CDH12: variants seen among roughly 807,000 people sequenced by gnomAD.
CDH12 encodes the protein cadherin-12.
A neutral mutation model predicts 74.1 loss-of-function variants in CDH12; 41 were observed. That is an observed-to-expected ratio of 0.55 (90% CI 0.43 to 0.72). The LOEUF (loss-of-function observed/expected upper bound fraction) is 0.72. Ranked by LOEUF, CDH12 falls within the 30% of genes least tolerant of loss-of-function variation. The pLI is 0.00. For missense variants in CDH12, 945 were observed against 977.2 expected, an observed-to-expected ratio of 0.97 and a Z score of 0.44; for synonymous variants, 399 against 355.0, an observed-to-expected ratio of 1.12 and a Z score of -1.39.
chr5:21,947,138 T>C (rs1021835360), intron 6 of CDH12, among the ~76,000 whole-genome samples: 6 of 152,236 alleles, frequency 3.9e-5, no homozygotes, highest in African/African-American at 1.4e-4. Flanking sequence ...TGCAGAACTA[T>C]GAGTCAATTA....
chr5:22,056,946 C>T (rs991510458), intron 5 of CDH12, among the ~76,000 whole-genome samples: 5 of 152,136 alleles, frequency 3.3e-5, no homozygotes, highest in African/African-American at 1.2e-4. Context: ...CAACCAACAT[C>T]TCCCCTAAGA....
chr5:22,083,738 G>A (rs1742888860), intron 4 of CDH12, among the ~76,000 whole-genome samples: 1 of 152,112 alleles, frequency 6.6e-6, no homozygotes, highest in African/African-American at 2.4e-5. Context: ...AATCTGGGCA[G>A]TCTGACTACA....
At chr5:21,888,559 G>A (rs140409462) in intron 6 of CDH12, among the ~76,000 whole-genome samples, 2,176 of 151,290 alleles carry the variant, frequency 0.014, 55 homozygotes, top group African/African-American at 0.05. Context: ...CCTGCATGTT[G>A]TGTACATGTA....
At chr5:22,038,699 C>A (rs542911860) in intron 5 of CDH12, among the ~76,000 whole-genome samples, 101 of 152,296 alleles carry the variant, frequency 6.6e-4, no homozygotes, top group Non-Finnish European at 1.1e-3. Context: ...CCATCCAGAG[C>A]AGTCATGCAT....
At chr5:22,450,766 C>T (rs1024245266) in intron 2 of CDH12, among the ~76,000 whole-genome samples, 58 of 151,956 alleles carry the variant, frequency 3.8e-4, no homozygotes, top group Non-Finnish European at 4.1e-4. Flanking sequence ...CCAGCCCTGG[C>T]TAAGAAAGCT....
At chr5:21,964,396 T>C (rs1249961221) in intron 6 of CDH12, among the ~76,000 whole-genome samples, 1 of 152,028 alleles carries the variant, frequency 6.6e-6, no homozygotes, top group Non-Finnish European at 1.5e-5. Context: ...CTTAAAAGTT[T>C]GAATCCAAAT....
At chr5:21,968,480 G>T (rs1756685581) in intron 6 of CDH12, among the ~76,000 whole-genome samples, 1 of 152,138 alleles carries the variant, frequency 6.6e-6, no homozygotes, top group South Asian at 2.1e-4. Flanking sequence ...GTATTTCATG[G>T]AAAAAGAACA....
At chr5:22,077,528 A>G (rs188203367) in intron 5 of CDH12, among the ~76,000 whole-genome samples, 230 of 152,236 alleles carry the variant, frequency 1.5e-3, no homozygotes, top group Non-Finnish European at 2.8e-3. Flanking sequence ...GATTTATTTT[A>G]AACTCTCCTC....
At chr5:22,240,896 T>A (rs1752727751) in intron 3 of CDH12, among the ~76,000 whole-genome samples, 1 of 151,446 alleles carries the variant, frequency 6.6e-6, no homozygotes. Flanking sequence ...AAAGTTATAA[T>A]TAACATAGAA....
intron 6 of CDH12, among the ~76,000 whole-genome samples, chr5:21,964,799 A>G (rs567529737): frequency 6.6e-6 from 1 of 152,180 alleles, no homozygotes; most frequent in South Asian, 2.1e-4. Context: ...GAAACTTATT[A>G]GAAAGTGAAT....
intron 2 of CDH12, among the ~76,000 whole-genome samples, chr5:22,471,899 A>G (rs1241743610): frequency 1.3e-5 from 2 of 152,206 alleles, no homozygotes; most frequent in Admixed American, 6.5e-5. Flanking sequence ...TAAAATGCTA[A>G]GGAAGACTTT....
chr5:22,064,163 A>G (rs149293778), intron 5 of CDH12, among the ~76,000 whole-genome samples: 7 of 152,264 alleles, frequency 4.6e-5, no homozygotes, highest in African/African-American at 1.4e-4. Flanking sequence ...TGGATCAGAA[A>G]TATACTGTTC....
chr5:22,390,969 T>C (rs1671671102), intron 3 of CDH12, among the ~76,000 whole-genome samples: 1 of 152,190 alleles, frequency 6.6e-6, no homozygotes, highest in Admixed American at 6.5e-5. Flanking sequence ...GCATTAGATC[T>C]GCTTTGGTTG....
At chr5:21,953,650 A>G (rs904754221) in intron 6 of CDH12, among the ~76,000 whole-genome samples, 11 of 152,186 alleles carry the variant, frequency 7.2e-5, no homozygotes, top group African/African-American at 2.7e-4. Context: ...TCTTTAAAGT[A>G]AAAGTACAAA....
chr5:22,124,325 G>A (rs758582176), intron 4 of CDH12, among the ~76,000 whole-genome samples: 21 of 152,036 alleles, frequency 1.4e-4, no homozygotes, highest in African/African-American at 2.4e-4. Context: ...CGGTTTCAGC[G>A]TGTTAGCCAG....
At chr5:22,591,098 A>G (rs1580796658) in intron 1 of CDH12, among the ~76,000 whole-genome samples, 1 of 152,124 alleles carries the variant, frequency 6.6e-6, no homozygotes, top group Admixed American at 6.6e-5. Flanking sequence ...CCGTTAATGC[A>G]GTTTGTTTAT....
At chr5:22,845,854 A>T (rs1317771987) in intron 1 of CDH12, among the ~76,000 whole-genome samples, 3 of 152,148 alleles carry the variant, frequency 2.0e-5, no homozygotes. Flanking sequence ...GCTACTGTGT[A>T]ATGAGTTGGG....
intron 2 of CDH12, among the ~76,000 whole-genome samples, chr5:22,449,159 G>T (rs959697290): frequency 1.4e-4 from 22 of 151,808 alleles, no homozygotes; most frequent in African/African-American, 5.3e-4. Context: ...TGCGTATTTT[G>T]TACTGAAATC....
At chr5:22,069,314 T>C (rs1311278195) in intron 5 of CDH12, among the ~76,000 whole-genome samples, 1 of 152,070 alleles carries the variant, frequency 6.6e-6, no homozygotes. Context: ...TCAGTTACAG[T>C]GCTAGATAGG....
Sources: gnomAD v4.1 joint callset for allele counts (sites outside exome capture counted in the v4.1 genomes callset) on GRCh38, gnomAD v4.1.1 for gene constraint, MANE v1.5 for transcripts, NCBI Gene and HGNC (gene_info 2026-07-23, HGNC 2026-07-21) for gene names.